The following LNX1 variants were observed in gnomAD, a reference collection of about 807,000 sequenced individuals.
The protein encoded by LNX1 is E3 ubiquitin-protein ligase LNX.
A neutral mutation model predicts 68.4 loss-of-function variants in LNX1; 54 were observed. The observed-to-expected ratio is 0.79, with a 90% CI of 0.63 to 0.99. The LOEUF (loss-of-function observed/expected upper bound fraction) is 0.99, where lower values mean the gene tolerates loss of function less well. Among genes scored for constraint, LNX1 ranks in the 50% least tolerant of loss-of-function variants. LNX1 has a pLI of 0.00. For missense variants in LNX1, 906 were observed against 926.4 expected, an observed-to-expected ratio of 0.98 and a Z score of 0.29; for synonymous variants, 336 against 350.0, an observed-to-expected ratio of 0.96 and a Z score of 0.45.
Position 53,496,227 on chromosome 4 carries a change from C to T in LNX1, c.1146G>A (p.Val382=), listed in dbSNP as rs759657697. The T allele has an allele frequency of 1.1e-5, 18 of 1,614,058 alleles. No homozygotes were observed. In the Admixed American group the frequency reaches 2.7e-4, roughly 24 times the overall value. Reference sequence around the variant, plus strand: ...CCTCGGGGCTACTTTTGTTGAGAATCACATGAAAGCTGTCATCTCGGGGTC... The same window carrying T: ...CCTCGGGGCTACTTTTGTTGAGAATTACATGAAAGCTGTCATCTCGGGGTC... The part of the protein sequence containing the change: ...AYRPRDDSFH[V]ILNKSSPEEQ... The change falls in exon 6 of 11, where the codon GTG becomes GTA. Residue 382 remains valine (V), a synonymous_variant. Coordinates refer to ENST00000263925, the MANE Select transcript of LNX1 (RefSeq NM_001126328.3).
At chr4:53,635,235 C>A (rs1734428544) in intron 1 of LNX1, among the ~76,000 whole-genome samples, 1 of 152,162 alleles carries the variant, frequency 6.6e-6, no homozygotes, top group South Asian at 2.1e-4. Flanking sequence ...TACCATTAGA[C>A]TCCAAAGCTG....
chr4:53,543,166 G>A (rs1479555371), intron 2 of LNX1, among the ~76,000 whole-genome samples: 1 of 152,192 alleles, frequency 6.6e-6, no homozygotes, highest in Admixed American at 6.5e-5. Context: ...TGTCCTGTGT[G>A]CTACTGTTAT....
At chr4:53,501,898 C>G (rs571193975) in intron 4 of LNX1, 2 of 152,398 alleles carry the variant, frequency 1.3e-5, no homozygotes, top group South Asian at 4.1e-4. Context: ...AGCCCGCCTA[C>G]TCATTGAACA....
chr4:53,571,626 C>G (rs116007637), intron 2 of LNX1, among the ~76,000 whole-genome samples: 1 of 152,144 alleles, frequency 6.6e-6, no homozygotes, highest in African/African-American at 2.4e-5. Flanking sequence ...CCGAGATGTA[C>G]GTTAGACCTC....
intron 6 of LNX1, among the ~76,000 whole-genome samples, chr4:53,482,839 C>T (rs961889366): frequency 3.9e-5 from 6 of 152,236 alleles, no homozygotes; most frequent in African/African-American, 1.2e-4. Flanking sequence ...ACGTGTATTC[C>T]TAAAGCTATT....
At chr4:53,556,609 G>A (rs1232963648) in intron 2 of LNX1, among the ~76,000 whole-genome samples, 1 of 152,182 alleles carries the variant, frequency 6.6e-6, no homozygotes, top group Non-Finnish European at 1.5e-5. Flanking sequence ...AAAAGCTTCT[G>A]CAAGGTCATT....
intron 1 of LNX1, among the ~76,000 whole-genome samples, chr4:53,640,130 A>G: frequency 6.6e-6 from 1 of 152,238 alleles, no homozygotes; most frequent in East Asian, 1.9e-4. Context: ...GAAAAATAGA[A>G]TGACAGTGGT....
At chr4:53,652,039 G>GAT (rs1560708588) in intron 1 of LNX1, 8 of 151,510 alleles carry the variant, frequency 5.3e-5, no homozygotes, top group African/African-American at 1.9e-4. Context: ...GAGAGAGAGA[G>GAT]AGAGAGAGAG....
chr4:53,494,870 G>A (rs575120143), intron 6 of LNX1, among the ~76,000 whole-genome samples: 125 of 152,232 alleles, frequency 8.2e-4, no homozygotes, highest in African/African-American at 3.0e-3. Flanking sequence ...AAAACTATCA[G>A]AACATTATAC....
chr4:53,566,780 C>T (rs1228356127), intron 2 of LNX1, among the ~76,000 whole-genome samples: 1 of 149,498 alleles, frequency 6.7e-6, no homozygotes, highest in African/African-American at 2.5e-5. Flanking sequence ...CACACATAGG[C>T]TCAAAATAAA....
At chr4:53,539,528 G>C (rs765464109) in intron 2 of LNX1, among the ~76,000 whole-genome samples, 1 of 152,164 alleles carries the variant, frequency 6.6e-6, no homozygotes, top group Non-Finnish European at 1.5e-5. Flanking sequence ...ACCATGCCCA[G>C]CTAATTTTTT....
chr4:53,524,904 C>T (rs1294333424), intron 2 of LNX1, among the ~76,000 whole-genome samples: 2 of 152,194 alleles, frequency 1.3e-5, no homozygotes, highest in African/African-American at 2.4e-5. Context: ...GTGTTTTCTT[C>T]TGATTTCACA....
At chr4:53,608,751 G>A (rs60680696) in intron 2 of LNX1, among the ~76,000 whole-genome samples, 5,771 of 152,130 alleles carry the variant, frequency 0.038, 138 homozygotes, top group South Asian at 0.075. Context: ...AAAATGTGGT[G>A]CATATTCACC....
intron 6 of LNX1, among the ~76,000 whole-genome samples, chr4:53,492,127 T>C (rs557444500): frequency 6.6e-6 from 1 of 152,224 alleles, no homozygotes; most frequent in South Asian, 2.1e-4. Context: ...CAGGTAATAT[T>C]AGTTGGTAGT....
intron 1 of LNX1, among the ~76,000 whole-genome samples, chr4:53,630,409 T>C (rs556667646): frequency 2.9e-4 from 44 of 152,126 alleles, no homozygotes; most frequent in African/African-American, 1.0e-3. Context: ...ACCAGCAGAG[T>C]TCAGACAAGG....
At chr4:53,599,532 C>T (rs191864743) in intron 2 of LNX1, among the ~76,000 whole-genome samples, 3 of 152,160 alleles carry the variant, frequency 2.0e-5, no homozygotes, top group African/African-American at 4.8e-5. Flanking sequence ...TCTTTTATTC[C>T]TCTACTTTCT....
chr4:53,621,187 A>G (rs1733855545), upstream of LNX1, among the ~76,000 whole-genome samples: 1 of 152,052 alleles, frequency 6.6e-6, no homozygotes, highest in Non-Finnish European at 1.5e-5. Context: ...TCCCCAGGTG[A>G]CTTGTATGCA....
chr4:53,625,349 T>C (rs767759394), intron 1 of LNX1, among the ~76,000 whole-genome samples: 9 of 152,158 alleles, frequency 5.9e-5, no homozygotes, highest in Admixed American at 2.6e-4. Context: ...TCACAATATA[T>C]ACAGAACTCT....
At chr4:53,486,993 C>T (rs189157361) in intron 6 of LNX1, among the ~76,000 whole-genome samples, 1 of 152,146 alleles carries the variant, frequency 6.6e-6, no homozygotes, top group Non-Finnish European at 1.5e-5. Flanking sequence ...AGTCTGGGAG[C>T]GTTGCACTGT....
Sources: allele counts gnomAD v4.1 joint callset (sites outside exome capture counted in the v4.1 genomes callset), GRCh38; gene constraint gnomAD v4.1.1; transcripts MANE v1.5; gene names NCBI Gene and HGNC (gene_info 2026-07-23, HGNC 2026-07-21).